Variants in COG5 observed in about 807,000 individuals in gnomAD.
The protein encoded by COG5 is component of oligomeric golgi complex 5, also known as conserved oligomeric Golgi complex subunit 5.
In COG5, 86 loss-of-function variants were observed where a neutral mutation model predicts 110.4. The observed-to-expected ratio is 0.78, with a 90% CI of 0.65 to 0.93. The LOEUF (loss-of-function observed/expected upper bound fraction) is 0.93. Ranked by LOEUF, COG5 falls within the 40% of genes least tolerant of loss-of-function variation. The pLI, the probability that COG5 is intolerant of heterozygous loss-of-function variation, is 0.00. For missense variants in COG5, 1,077 were observed against 987.0 expected (o/e 1.09, Z -1.22); for synonymous variants, 360 against 334.6 (o/e 1.08, Z -0.83).
chr7:107,495,951 TA>T (rs1345945545), intron 6 of COG5, among the ~76,000 whole-genome samples: 1 of 101,206 alleles, frequency 9.9e-6, no homozygotes, highest in African/African-American at 4.9e-5. Flanking sequence ...ATTTTTTAAT[TA>T]TTTTTTTTTT....
chr7:107,461,666 A>C (rs1249672270), intron 6 of COG5, among the ~76,000 whole-genome samples: 1 of 152,204 alleles, frequency 6.6e-6, no homozygotes, highest in Non-Finnish European at 1.5e-5. Flanking sequence ...GGAAATCGTA[A>C]GGAATCAAGA....
chr7:107,476,184 T>TAAAAAAAAAA (rs34741713), intron 6 of COG5, among the ~76,000 whole-genome samples: 8 of 44,032 alleles, frequency 1.8e-4, no homozygotes, highest in Non-Finnish European at 2.6e-4. Flanking sequence ...GCAATGATTT[T>TAAAAAAAAAA]AAAAAAAAAA....
At chr7:107,408,169 A>C (rs1296445622) in intron 7 of COG5, among the ~76,000 whole-genome samples, 2 of 152,236 alleles carry the variant, frequency 1.3e-5, no homozygotes, top group African/African-American at 4.8e-5. Context: ...TTGCTAATAA[A>C]GTGTTAATGG....
chr7:107,296,201 TTTTC>T (rs1358911568), intron 12 of COG5, among the ~76,000 whole-genome samples: 5 of 150,924 alleles, frequency 3.3e-5, no homozygotes, highest in Non-Finnish European at 5.9e-5. Flanking sequence ...CTTTCTTTCT[TTTTC>T]TTTCTTTCAC....
chr7:107,373,305 C>G (rs1429447471), intron 7 of COG5, among the ~76,000 whole-genome samples: 1 of 152,034 alleles, frequency 6.6e-6, no homozygotes, highest in African/African-American at 2.4e-5. Context: ...AAGTTCCTGT[C>G]TTCATGGAAC....
intron 6 of COG5, among the ~76,000 whole-genome samples, chr7:107,433,531 G>C (rs920443087): frequency 1.3e-5 from 2 of 152,146 alleles, no homozygotes; most frequent in Non-Finnish European, 2.9e-5. Flanking sequence ...TACGTGTAAG[G>C]TCAAATGATT....
At chr7:107,328,822 T>TTTA (rs998572331) in intron 10 of COG5, among the ~76,000 whole-genome samples, 1 of 152,058 alleles carries the variant, frequency 6.6e-6, no homozygotes, top group Non-Finnish European at 1.5e-5. Flanking sequence ...TTATTATGTT[T>TTTA]TTATTATTAT....
intron 6 of COG5, among the ~76,000 whole-genome samples, chr7:107,511,064 T>TA (rs1799465183): frequency 6.8e-6 from 1 of 147,550 alleles, no homozygotes; most frequent in African/African-American, 2.5e-5. Context: ...CTGAAGGAAA[T>TA]AGAGACACAA....
Position 107,442,148 on chromosome 7 carries a change from CCT to C in COG5, c.539-29518_539-29517del, listed in dbSNP as rs1563037524. Among the ~76,000 whole-genome samples, 4 of 152,276 alleles carry C rather than the reference CCT, an allele frequency of 2.6e-5. No homozygotes were observed. The East Asian group carries it at 7.7e-4, about 29-fold the overall frequency. ...TGGATCATGTTGGCAGACATCCCCC[CCT>C]GTTCTTGTGATAGTCAGTGAGTTCT... On this transcript the variant is annotated intron_variant, in intron 6 of 21. Coordinates refer to ENST00000297135, the MANE Select transcript of COG5 (RefSeq NM_006348.5).
chr7:107,229,317 C>T (rs894480720), intron 19 of COG5, among the ~76,000 whole-genome samples: 20 of 152,026 alleles, frequency 1.3e-4, no homozygotes, highest in African/African-American at 4.6e-4. Flanking sequence ...AGTGTGGTGG[C>T]GTGTTCCTGT....
At chr7:107,444,182 A>AT (rs1321338426) in intron 6 of COG5, among the ~76,000 whole-genome samples, 1 of 152,200 alleles carries the variant, frequency 6.6e-6, no homozygotes, top group Non-Finnish European at 1.5e-5. Flanking sequence ...TCTCAGTTCT[A>AT]TAAGTCTCTA....
At chr7:107,204,508 T>G (rs1798608660) in intron 21 of COG5, among the ~76,000 whole-genome samples, 1 of 152,210 alleles carries the variant, frequency 6.6e-6, no homozygotes, top group Admixed American at 6.5e-5. Flanking sequence ...AAATACATTT[T>G]TGTCATATTT....
rs575963192 is a variant in COG5 at position 107,513,889 on chromosome 7, G to A, written c.538+13348C>T. Among the ~76,000 whole-genome samples the A allele has an allele frequency of 1.2e-4, 18 of 151,806 alleles. No individual in the cohort carries two copies. The South Asian group carries it at 3.5e-3, about 30-fold the overall frequency. On this transcript the variant is annotated intron_variant, in intron 6 of 21. Coordinates refer to ENST00000297135, the MANE Select transcript of COG5 (RefSeq NM_006348.5). ...CAGGAAGGGGAACATCACACTCCGG[G>A]GACTGTTGTGGGGTGGGGGAAGAGG...
chr7:107,462,713 A>C (rs1237712621), intron 6 of COG5, among the ~76,000 whole-genome samples: 1 of 152,140 alleles, frequency 6.6e-6, no homozygotes, highest in Admixed American at 6.6e-5. Context: ...TATTCCCAAA[A>C]ACCAGGACAC....
intron 7 of COG5, among the ~76,000 whole-genome samples, chr7:107,391,080 T>C (rs1186872259): frequency 1.3e-5 from 2 of 152,126 alleles, no homozygotes; most frequent in Non-Finnish European, 2.9e-5. Flanking sequence ...GGATGCATGA[T>C]TGCTCTCTAC....
chr7:107,243,369 C>T (rs548161891), intron 17 of COG5, among the ~76,000 whole-genome samples: 107 of 152,000 alleles, frequency 7.0e-4, no homozygotes, highest in African/African-American at 2.4e-3. Flanking sequence ...AAAAATTAGC[C>T]GGGTGCGGTG....
At chr7:107,412,209 A>T (rs1027237871) in intron 7 of COG5, among the ~76,000 whole-genome samples, 1 of 152,180 alleles carries the variant, frequency 6.6e-6, no homozygotes, top group African/African-American at 2.4e-5. Context: ...CGTGCTTTAG[A>T]CAAAGCAGGC....
chr7:107,319,721 G>A (rs2894459), intron 11 of COG5, among the ~76,000 whole-genome samples: 24,479 of 151,946 alleles, frequency 0.16, 2,360 homozygotes, highest in Non-Finnish European at 0.22. Context: ...CAAAATTTAC[G>A]TGATTTAGGA....
At chr7:107,400,994 A>G (rs911798143) in intron 7 of COG5, among the ~76,000 whole-genome samples, 2 of 152,182 alleles carry the variant, frequency 1.3e-5, no homozygotes, top group Non-Finnish European at 2.9e-5. Context: ...AAGAAAATCA[A>G]TTATTTAAAG....
Sources: allele counts gnomAD v4.1 joint callset (sites outside exome capture counted in the v4.1 genomes callset), GRCh38; gene constraint gnomAD v4.1.1; transcripts MANE v1.5; gene names NCBI Gene and HGNC (gene_info 2026-07-23, HGNC 2026-07-21).